The following LYST variants were observed in gnomAD, a reference collection of about 807,000 sequenced individuals.
The protein encoded by LYST is lysosomal trafficking regulator.
Under a neutral mutation model 413.6 loss-of-function variants are expected in LYST, and 192 were observed. That is an observed-to-expected ratio of 0.46 (90% CI 0.41 to 0.52). The LOEUF is 0.52. LYST is among the 20% of genes least tolerant of loss of function. The pLI, the probability that LYST is intolerant of heterozygous loss-of-function variation, is 0.00. For missense variants in LYST, 3,815 were observed against 4,499.9 expected, an observed-to-expected ratio of 0.85 and a Z score of 4.35; for synonymous variants, 1,525 against 1,567.3, an observed-to-expected ratio of 0.97 and a Z score of 0.64.
chr1:235,775,266 T>C (rs1302754961), intron 17 of LYST, among the ~76,000 whole-genome samples, 180 bp from the exon 18 acceptor site: 1 of 152,162 alleles, frequency 6.6e-6, no homozygotes, highest in African/African-American at 2.4e-5. Flanking sequence ...AGGCATAAAC[T>C]CCATGTTCTA....
chr1:235,664,190 G>GTT lies in LYST; in HGVS notation c.11196-137_11196-136dup, dbSNP rs893331982. ...AATTAACAGTAGTTCCCTCTAGGGA[G>GTT]TTTGCAGGGGGTAGATGTGGGAATA... On this transcript the variant is annotated intron_variant, in intron 51 of 52. Transcript: ENST00000389793. This position sits in a 1 kb window ranked among gnomAD's most constrained non-coding sequence, Gnocchi z 4.5. The GTT allele has an allele frequency of 5.1e-6, 4 of 785,312 alleles. No individual in the cohort carries two copies. Among genetic ancestry groups the GTT allele is most frequent in the African/African-American group, 1.7e-5 (1 of 59,036 alleles). 48.6% of individuals were successfully genotyped at this position (785,312 alleles called of 1,614,324 possible).
At chr1:235,747,005 A>G (rs954037852) in intron 28 of LYST, among the ~76,000 whole-genome samples, 1 of 152,234 alleles carries the variant, frequency 6.6e-6, no homozygotes, top group Non-Finnish European at 1.5e-5. Context: ...AAATCAGTCA[A>G]TGAAAGTGAA....
chr1:235,875,338 T>TA (rs1181619459), intron 1 of LYST, among the ~76,000 whole-genome samples: 5 of 152,190 alleles, frequency 3.3e-5, no homozygotes, highest in Admixed American at 3.3e-4. Flanking sequence ...CCATGTTGCT[T>TA]AAAATGTCCA....
At chr1:235,747,319 A>G (rs7530633) in intron 28 of LYST, 3 of 432,866 alleles carry the variant, frequency 6.9e-6, no homozygotes, top group African/African-American at 6.2e-5. Context: ...GGAACCCTTC[A>G]TTGGAATTGA....
chr1:235,709,070 T>A lies in LYST; in HGVS notation c.10143+21A>T, dbSNP rs1186229796. On this transcript the variant is annotated intron_variant, in intron 44 of 52. Coordinates refer to ENST00000389793, the MANE Select transcript of LYST (RefSeq NM_000081.4). ...GGTTCTATCTTATATAAATACAGAT[T>A]GTTTTAAAAGAGTCACTTACAGCAG... The A allele has an allele frequency of 3.7e-6, 6 of 1,602,128 alleles. No homozygotes were observed. In the African/African-American group the frequency reaches 5.4e-5, roughly 14 times the overall value.
intron 19 of LYST, among the ~76,000 whole-genome samples, chr1:235,772,422 T>G (rs190900587): frequency 5.9e-5 from 9 of 152,212 alleles, no homozygotes; most frequent in East Asian, 1.9e-4. Context: ...GTTTTTTTTT[T>G]GCAAAAATCA....
chr1:235,738,000 A>G, intron 31 of LYST: 2 of 1,477,610 alleles, frequency 1.4e-6, no homozygotes, highest in Non-Finnish European at 1.8e-6. Flanking sequence ...ATATACTCTC[A>G]AGTATACGCT....
intron 45 of LYST, among the ~76,000 whole-genome samples, chr1:235,700,389 AAAAC>A (rs1236001077): frequency 6.6e-6 from 1 of 152,232 alleles, no homozygotes; most frequent in Non-Finnish European, 1.5e-5. Context: ...TTACAAGAAA[AAAAC>A]AAACGACCTC....
chr1:235,738,417 T>C, intron 31 of LYST: 1 of 1,613,494 alleles, frequency 6.2e-7, no homozygotes, highest in Admixed American at 1.7e-5. Flanking sequence ...TCAAATCCAG[T>C]GGATATCTTT....
rs1372991943 is a variant in LYST, at chr1:235,686,568, T to C, written c.10800+381A>G. Among the ~76,000 whole-genome samples the C allele has an allele frequency of 6.6e-6, 1 of 152,206 alleles. No homozygotes were observed. Among genetic ancestry groups the C allele is most frequent in the Non-Finnish European group, 1.5e-5 (1 of 68,042 alleles). ...CAGACTACTTAGATTTTGCTGTCAC[T>C]TAGTTTACCCAGAGGTTATCGGAAT... On this transcript the variant is annotated intron_variant, in intron 48 of 52. Coordinates refer to ENST00000389793, the MANE Select transcript of LYST (RefSeq NM_000081.4). The surrounding 1 kb of genome is among the most constrained non-coding windows in gnomAD (Gnocchi z 4.0).
Position 235,787,185 on chromosome 1 carries a change from C to T in LYST, c.4862+15G>A, listed in dbSNP as rs1322999021. 1 of 1,602,790 alleles carries T rather than the reference C, an allele frequency of 6.2e-7. No homozygotes were observed. On this transcript the variant is annotated intron_variant, in intron 14 of 52. Transcript: ENST00000389793. ...TAACTGAGATTGAGATGCATTTTCT[C>T]AAAATGCTTCCTACCTCTGTCCAGA...
At chr1:235,866,113 CT>C (rs1244592880) in intron 1 of LYST, among the ~76,000 whole-genome samples, 1 of 152,154 alleles carries the variant, frequency 6.6e-6, no homozygotes, top group Non-Finnish European at 1.5e-5. Context: ...TAAACAACCC[CT>C]TCGTTGGGCT....
chr1:235,759,334 A>G lies in LYST; in HGVS notation c.6519T>C (p.Thr2173=), dbSNP rs200876896. ...AFISSCESAK[T]VCEMEAVLSA... is the part of the protein sequence containing the mutation. ...AGAGGACAGCTTCCATTTCACAAAC[A>G]GTTTTTGCAGACTCACAGCTACTGA... The change falls in exon 23 of 53, where the codon ACT becomes ACC. Residue 2173 remains threonine (T), a synonymous_variant. Transcript: ENST00000389793. 3.1e-6 allele frequency: 5 copies of G among 1,614,142 alleles called. No homozygotes were observed. Among genetic ancestry groups the G allele is most frequent in the Non-Finnish European group, 2.5e-6 (3 of 1,180,014 alleles).
chr1:235,806,298 G>C lies in LYST; in HGVS notation c.2838C>G (p.Leu946=). The C allele has an allele frequency of 6.2e-7, 1 of 1,613,984 alleles. No individual in the cohort carries two copies. Among genetic ancestry groups the C allele is most frequent in the Non-Finnish European group, 8.5e-7 (1 of 1,179,978 alleles). ...CAGGAGAAGGCAAGACAAGGCTCTC[G>C]AGAGATATACATGGCAGCATATGAC... ...PLSHMLPCIS[L]ESLVLPSPEH... Residue 946 remains leucine (L), a synonymous_variant, in exon 6 of 53, where the codon CTC becomes CTG. Transcript: ENST00000389793.
intron 13 of LYST, among the ~76,000 whole-genome samples, chr1:235,788,427 A>T (rs905185404): frequency 1.3e-5 from 2 of 152,094 alleles, no homozygotes; most frequent in African/African-American, 2.4e-5. Context: ...ACCTCAGGTG[A>T]TCTGCCTGCC....
chr1:235,759,896 A>G (rs142512930), intron 22 of LYST, among the ~76,000 whole-genome samples: 101 of 152,240 alleles, frequency 6.6e-4, no homozygotes, highest in African/African-American at 2.1e-3. Flanking sequence ...GACTATAGGC[A>G]TGCACCCCAC....
At chr1:235,828,804 A>G (rs1421454404) in intron 3 of LYST, 2 of 790,408 alleles carry the variant, frequency 2.5e-6, no homozygotes, top group Non-Finnish European at 3.1e-6. Flanking sequence ...ATGGTCTAAC[A>G]TGATTTTTTC....
chr1:235,826,502 G>C (rs992353631), intron 3 of LYST, among the ~76,000 whole-genome samples: 2 of 152,142 alleles, frequency 1.3e-5, no homozygotes, highest in Non-Finnish European at 2.9e-5. Flanking sequence ...AGAGACATGA[G>C]AGTACATACT....
chr1:235,680,620 T>A (rs1213798141), intron 48 of LYST, among the ~76,000 whole-genome samples: 2 of 150,760 alleles, frequency 1.3e-5, no homozygotes, highest in Non-Finnish European at 3.0e-5. Context: ...TTTTTTGAGA[T>A]GAAGTCTTGC....
Sources: allele counts gnomAD v4.1 joint callset (sites outside exome capture counted in the v4.1 genomes callset), GRCh38; gene constraint gnomAD v4.1.1; non-coding constraint Gnocchi (gnomAD v3.1); transcripts MANE v1.5; gene names NCBI Gene and HGNC (gene_info 2026-07-23, HGNC 2026-07-21).